Variants in PCSK4 observed in about 807,000 individuals in gnomAD.
PCSK4 encodes testicular tissue protein Li 135.
Under a neutral mutation model 80.3 loss-of-function variants are expected in PCSK4, and 64 were observed. That is an observed-to-expected ratio of 0.80 (90% confidence interval 0.65 to 0.98). The LOEUF is 0.98. Ranked by LOEUF, PCSK4 falls within the 50% of genes least tolerant of loss-of-function variation. PCSK4 has a pLI of 0.00. For missense variants in PCSK4, 1,213 were observed against 1,093.6 expected (o/e 1.11, Z -1.54); for synonymous variants, 561 against 487.6 (o/e 1.15, Z -1.98).
chr19:1,487,456 C>T, intron 6 of PCSK4, 143 bp from the exon 7 acceptor site: 2 of 983,260 alleles, frequency 2.0e-6, no homozygotes, highest in South Asian at 3.1e-5. Flanking sequence ...CGTATTGGCT[C>T]AGCACCCCCC....
chr19:1,483,799 T>C, intron 10 of PCSK4, 32 bp from the exon 11 acceptor site: 1 of 1,523,364 alleles, frequency 6.6e-7, no homozygotes, highest in Non-Finnish European at 8.7e-7. Flanking sequence ...ACTCGCCCCG[T>C]GGGCCCCGGG....
At chr19:1,487,352 T>C (rs374635517) in intron 6 of PCSK4, 39 bp from the exon 7 acceptor site, 91 of 1,511,498 alleles carry the variant, frequency 6.0e-5, no homozygotes, top group Non-Finnish European at 8.0e-5. Flanking sequence ...CCACCGGCCC[T>C]GCCCTTCCCC....
chr19:1,490,279 G>A (rs1241053186), exon 1 of PCSK4: 2 of 1,596,050 alleles, frequency 1.3e-6, no homozygotes, highest in Admixed American at 1.7e-5. Flanking sequence ...CCACCCCACA[G>A]CCCGGGGGCG....
At chr19:1,483,885 G>T in exon 10 of PCSK4, 2 of 1,494,204 alleles carry the variant, frequency 1.3e-6, no homozygotes, top group Non-Finnish European at 8.8e-7. Context: ...CTGCAGGTGC[G>T]CCGGCTTGGA....
Position 1,487,696 on chromosome 19 carries a change from T to C in PCSK4, c.594-5A>G. 3.2e-6 allele frequency: 5 copies of C among 1,553,512 alleles called. No individual in the cohort carries two copies. Among genetic ancestry groups the C allele is most frequent in the Non-Finnish European group, 4.4e-6 (5 of 1,148,736 alleles). ...CCAGCACAGCGGGTCCCGTGCCTGG[T>C]GCCAGGGCCAAGAGGGGCTCCTGTC... On this transcript the variant is annotated splice_region_variant and splice_polypyrimidine_tract_variant and intron_variant, in intron 5 of 14. Transcript: ENST00000300954.
At chr19:1,487,539 C>G in intron 6 of PCSK4, 64 bp downstream of exon 6, 1 of 1,403,086 alleles carries the variant, frequency 7.1e-7, no homozygotes, top group African/African-American at 1.4e-5. Context: ...GGGCCCAGCT[C>G]CCCGCCAGAG....
At chr19:1,482,128 C>G in exon 15 of PCSK4, 1 of 1,556,138 alleles carries the variant, frequency 6.4e-7, no homozygotes. Flanking sequence ...CAGCGGTCAC[C>G]AGCCTTGTGT....
exon 13 of PCSK4, chr19:1,483,019 G>A (rs1385611203): frequency 8.4e-7 from 1 of 1,192,020 alleles, no homozygotes; most frequent in African/African-American, 1.5e-5. Context: ...ACGTCCAAGG[G>A]TCTGGGACAG....
exon 8 of PCSK4, chr19:1,486,883 G>A (rs752170703): frequency 2.5e-6 from 4 of 1,599,918 alleles, no homozygotes; most frequent in East Asian, 2.2e-5. Flanking sequence ...CGCCGCTGCT[G>A]TAGGTGGTGG....
intron 8 of PCSK4, among the ~76,000 whole-genome samples, chr19:1,485,086 T>C (rs1194442758): frequency 6.6e-6 from 1 of 151,790 alleles, no homozygotes; most frequent in Non-Finnish European, 1.5e-5. Context: ...AGGTAGAGGT[T>C]GCAGTGAGCT....
chr19:1,487,576 A>G (rs1474717639), intron 6 of PCSK4, 27 bp downstream of exon 6: 1 of 1,529,986 alleles, frequency 6.5e-7, no homozygotes, highest in Non-Finnish European at 8.9e-7. Flanking sequence ...CTGTCCCGGA[A>G]TGGTGCCGCT....
exon 6 of PCSK4, chr19:1,487,647 T>C: frequency 1.9e-6 from 3 of 1,555,052 alleles, no homozygotes; most frequent in South Asian, 1.2e-5. Context: ...ACAGAAGCCA[T>C]TGTTGGCCAT....
chr19:1,486,743 T>A, intron 8 of PCSK4, 110 bp downstream of exon 8: 1 of 975,740 alleles, frequency 1.0e-6, no homozygotes, highest in Non-Finnish European at 1.5e-6. Context: ...GGATTTGCAT[T>A]TTCAAAGCAG....
chr19:1,482,103 C>G, exon 15 of PCSK4: 1 of 1,551,486 alleles, frequency 6.4e-7, no homozygotes. Context: ...GCGGGCGCCG[C>G]CGTGTGCCCA....
At chr19:1,482,099 G>T (rs1300545715) in exon 15 of PCSK4, 11 of 1,549,582 alleles carry the variant, frequency 7.1e-6, no homozygotes, top group Non-Finnish European at 9.5e-6. Flanking sequence ...CAGCGCGGGC[G>T]CCGCCGTGTG....
chr19:1,485,985 T>G (rs2084585585), intron 8 of PCSK4, among the ~76,000 whole-genome samples: 1 of 152,108 alleles, frequency 6.6e-6, no homozygotes, highest in Non-Finnish European at 1.5e-5. Context: ...TGTTTTGTTT[T>G]GTTTTGAGAC....
chr19:1,488,056 C>T, exon 4 of PCSK4: 3 of 1,613,394 alleles, frequency 1.9e-6, no homozygotes, highest in Non-Finnish European at 2.5e-6. Context: ...TGACTCCAGG[C>T]CTGCAGGATG....
chr19:1,482,021 G>A, exon 15 of PCSK4: 1 of 1,576,612 alleles, frequency 6.3e-7, no homozygotes, highest in Non-Finnish European at 8.6e-7. Context: ...TGGGGGACAG[G>A]AGGTGCAGTC....
At chr19:1,489,334 G>A (rs568585464) in intron 2 of PCSK4, among the ~76,000 whole-genome samples, 2 of 152,032 alleles carry the variant, frequency 1.3e-5, no homozygotes, top group Admixed American at 1.3e-4. Context: ...GGGTTTCACC[G>A]TGTTCGCTAG....
Sources: gnomAD v4.1 joint callset for allele counts (sites outside exome capture counted in the v4.1 genomes callset) on GRCh38, gnomAD v4.1.1 for gene constraint, MANE v1.5 for transcripts, NCBI Gene and HGNC (gene_info 2026-07-23, HGNC 2026-07-21) for gene names.